EPB41L3: variants seen among roughly 807,000 people sequenced by gnomAD.
EPB41L3 encodes erythrocyte membrane protein band 4.1 like 3.
In EPB41L3, 57 loss-of-function variants were observed where a neutral mutation model predicts 127.1. The ratio of observed to expected loss-of-function variants is 0.45; its 90% CI spans 0.36 to 0.56. The LOEUF (loss-of-function observed/expected upper bound fraction) is 0.56, where lower values mean the gene tolerates loss of function less well. Ranked by LOEUF, EPB41L3 falls within the 20% of genes least tolerant of loss-of-function variation. EPB41L3 has a pLI of 0.00. For synonymous variants in EPB41L3, 572 were observed against 549.5 expected, an observed-to-expected ratio of 1.04 and a Z score of -0.57; for missense variants, 1,273 against 1,372.2, an observed-to-expected ratio of 0.93 and a Z score of 1.14.
chr18:5,608,137 A>G (rs2094683293), intron 3 of EPB41L3, among the ~76,000 whole-genome samples: 1 of 152,138 alleles, frequency 6.6e-6, no homozygotes, highest in Admixed American at 6.6e-5. Flanking sequence ...GACTCCTGGA[A>G]AGTCCATAAT....
intron 3 of EPB41L3, among the ~76,000 whole-genome samples, chr18:5,571,322 T>C (rs1387267187): frequency 6.6e-6 from 1 of 152,258 alleles, no homozygotes; most frequent in Non-Finnish European, 1.5e-5. Flanking sequence ...GTTCTATAGG[T>C]TCTCTTGTCT....
In EPB41L3 at chr18:5,617,349, C is replaced by A. The variant is rs189512938; in HGVS notation, c.-467-2926G>T. Among the ~76,000 whole-genome samples the A allele has an allele frequency of 7.0e-3, 1,030 of 147,862 alleles. 8 individuals carry two copies. The highest frequency in any genetic ancestry group is 0.025 in the African/African-American group (984 of 39,908). On this transcript the variant is annotated intron_variant, in intron 1 of 21. Coordinates refer to the EPB41L3 transcript ENST00000545076. ...TTTTTTTTTTTTTGAGACGGAGTCT[C>A]ACTCTGTCGCCCAGGCTGGAGTGCA...
rs1265915375 is a variant in EPB41L3, at chr18:5,516,396, G to A, written c.-11-27202C>T. Reference sequence around the variant, plus strand: ...CTTAACCCAGAAACCAAATGGTTAAGGAGAGAGTAATACTCATACTGGTTC... The same window carrying A: ...CTTAACCCAGAAACCAAATGGTTAAAGAGAGAGTAATACTCATACTGGTTC... On this transcript the variant is annotated intron_variant, in intron 1 of 22. Transcript: ENST00000341928. Among the ~76,000 whole-genome samples the A allele has an allele frequency of 6.6e-5, 10 of 152,340 alleles. No individual in the cohort carries two copies. The South Asian group carries it at 2.1e-3, about 32-fold the overall frequency.
intron 3 of EPB41L3, among the ~76,000 whole-genome samples, chr18:5,562,911 T>C (rs1196059226): frequency 6.6e-6 from 1 of 152,182 alleles, no homozygotes; most frequent in Non-Finnish European, 1.5e-5. Context: ...AACACAGAGA[T>C]GAAATAAAAG....
intron 3 of EPB41L3, among the ~76,000 whole-genome samples, chr18:5,477,476 C>T (rs2087472861): frequency 5.9e-5 from 9 of 152,160 alleles, no homozygotes; most frequent in Admixed American, 5.9e-4. Flanking sequence ...GAAGACATGG[C>T]ATCTGAAACC....
At chr18:5,552,135 T>G (rs1039766893) in intron 3 of EPB41L3, among the ~76,000 whole-genome samples, 1 of 152,268 alleles carries the variant, frequency 6.6e-6, no homozygotes, top group Non-Finnish European at 1.5e-5. Context: ...CATGTGCATG[T>G]GCCCATTCTC....
chr18:5,512,068 G>A (rs2092553970), intron 1 of EPB41L3, among the ~76,000 whole-genome samples: 1 of 152,196 alleles, frequency 6.6e-6, no homozygotes. Context: ...AAGAATCAGA[G>A]GACAATTAGA....
intron 3 of EPB41L3, among the ~76,000 whole-genome samples, chr18:5,452,687 A>AATAAT (rs10530125): frequency 0.41 from 61,675 of 151,842 alleles, 12,563 homozygotes; most frequent in East Asian, 0.47. Flanking sequence ...ACAAATGAGA[A>AATAAT]AAACCACTAA....
intron 16 of EPB41L3, chr18:5,399,439 A>T (rs191230320): frequency 5.0e-6 from 2 of 398,072 alleles, no homozygotes; most frequent in African/African-American, 2.1e-5. Flanking sequence ...TCTCATTTCT[A>T]AAATAAGAAT....
At chr18:5,561,023 G>A in intron 3 of EPB41L3, among the ~76,000 whole-genome samples, 1 of 141,502 alleles carries the variant, frequency 7.1e-6, no homozygotes, top group South Asian at 2.3e-4. Context: ...TGTCGCCCAG[G>A]CTGGAGTGCA....
intron 3 of EPB41L3, among the ~76,000 whole-genome samples, chr18:5,551,525 G>A (rs186355482): frequency 6.6e-6 from 1 of 152,210 alleles, no homozygotes; most frequent in East Asian, 1.9e-4. Context: ...AGGAGTTTGA[G>A]TCCAGCTTGG....
At chr18:5,535,832 T>A (rs2093555877) in intron 1 of EPB41L3, among the ~76,000 whole-genome samples, 2 of 152,214 alleles carry the variant, frequency 1.3e-5, no homozygotes, top group African/African-American at 4.8e-5. Flanking sequence ...AATCTGTGAA[T>A]GGAATATGAC....
intron 3 of EPB41L3, among the ~76,000 whole-genome samples, chr18:5,466,070 C>T (rs1468768884): frequency 6.6e-6 from 1 of 151,942 alleles, no homozygotes; most frequent in African/African-American, 2.4e-5. Context: ...TTTTCCATTT[C>T]CCACTGAATT....
chr18:5,544,140 T>C, upstream of EPB41L3: 1 of 985,394 alleles, frequency 1.0e-6, no homozygotes, highest in Non-Finnish European at 1.2e-6. Flanking sequence ...TCGTCCTGCC[T>C]GCCCTCCCAG....
intron 3 of EPB41L3, among the ~76,000 whole-genome samples, chr18:5,561,010 C>T (rs963500655): frequency 3.1e-5 from 4 of 130,004 alleles, no homozygotes; most frequent in East Asian, 2.4e-4. Flanking sequence ...TGGAGTCTCG[C>T]TCTGTCGCCC....
chr18:5,441,098 C>T (rs1190690453), intron 5 of EPB41L3, among the ~76,000 whole-genome samples: 1 of 152,192 alleles, frequency 6.6e-6, no homozygotes, highest in Non-Finnish European at 1.5e-5. Flanking sequence ...CATTATGTTG[C>T]CTAGGCTGGG....
At chr18:5,464,784 A>G (rs2147239831) in intron 3 of EPB41L3, among the ~76,000 whole-genome samples, 1 of 152,320 alleles carries the variant, frequency 6.6e-6, no homozygotes, top group East Asian at 1.9e-4. Flanking sequence ...AGAGTTACTA[A>G]GTAAGAAATC....
intron 3 of EPB41L3, among the ~76,000 whole-genome samples, chr18:5,597,081 AG>A (rs952526328): frequency 6.6e-5 from 10 of 152,278 alleles, no homozygotes; most frequent in African/African-American, 2.4e-4. Flanking sequence ...AAGGAAGAAA[AG>A]GAATAGTCTA....
At position 5,561,179 on chromosome 18, in the gene EPB41L3, G is replaced by A. The variant is rs959918742; in HGVS notation, c.-306+51161C>T. On this transcript the variant is annotated intron_variant, in intron 3 of 21. Transcript: ENST00000545076. ...TTTTCAGTAGAGACGGGGTTTCACC[G>A]TATTAGCCAGGATGGTCAAGATCTC... is the stretch of plus-strand genomic sequence containing the variant. Among the ~76,000 whole-genome samples, 15 of 151,798 alleles carry A rather than the reference G, an allele frequency of 9.9e-5. No individual in the cohort carries two copies. The South Asian group carries it at 1.3e-3, about 13-fold the overall frequency.
Sources: allele counts gnomAD v4.1 joint callset (sites outside exome capture counted in the v4.1 genomes callset), GRCh38; gene constraint gnomAD v4.1.1; transcripts MANE v1.5; gene names NCBI Gene and HGNC (gene_info 2026-07-23, HGNC 2026-07-21).